Variants in HEATR4 observed in about 807,000 individuals in gnomAD.
HEATR4 encodes the protein HEAT repeat containing 4.
A neutral mutation model predicts 108.8 loss-of-function variants in HEATR4; 95 were observed. The ratio of observed to expected loss-of-function variants is 0.87; its 90% CI spans 0.74 to 1.04. The LOEUF (loss-of-function observed/expected upper bound fraction) is 1.04, where lower values mean the gene tolerates loss of function less well. HEATR4 is among the 50% of genes least tolerant of loss of function. HEATR4 has a pLI of 0.00. For synonymous variants in HEATR4, 443 were observed against 459.4 expected (o/e 0.96, Z 0.46); for missense variants, 1,152 against 1,253.8 (o/e 0.92, Z 1.23).
chr14:73,585,218 G>A, the HEATR4 span, among the ~76,000 whole-genome samples: 5 of 152,128 alleles, frequency 3.3e-5, no homozygotes, highest in African/African-American at 1.2e-4. Context: ...TCGCTCATCT[G>A]CCATAGCCCC....
chr14:73,562,300 T>C (rs1889541444), upstream of HEATR4, among the ~76,000 whole-genome samples: 1 of 152,058 alleles, frequency 6.6e-6, no homozygotes, highest in Admixed American at 6.6e-5. Flanking sequence ...CAAATAATAC[T>C]TTTATAATTT....
the HEATR4 span, among the ~76,000 whole-genome samples, chr14:73,594,679 T>TATTC: frequency 8.4e-4 from 123 of 146,212 alleles, no homozygotes; most frequent in African/African-American, 3.0e-3. Flanking sequence ...ATAAGTTATT[T>TATTC]ATTTATTTAT....
the HEATR4 span, chr14:73,592,493 T>C: frequency 7.1e-7 from 1 of 1,411,960 alleles, no homozygotes; most frequent in South Asian, 1.5e-5. Context: ...GATTTAGCAC[T>C]GGTTTGGTTT....
intron 7 of HEATR4, among the ~76,000 whole-genome samples, chr14:73,511,593 G>C (rs115259028): frequency 6.6e-6 from 1 of 150,526 alleles, no homozygotes; most frequent in African/African-American, 2.4e-5. Context: ...ATGGGCTCTT[G>C]GCTGGGCACA....
the HEATR4 span, chr14:73,592,510 A>C: frequency 7.4e-7 from 1 of 1,347,838 alleles, no homozygotes; most frequent in Non-Finnish European, 9.8e-7. Context: ...GTTTTGGAGC[A>C]AGATCAGAGA....
the HEATR4 span, among the ~76,000 whole-genome samples, chr14:73,584,374 T>C: frequency 6.6e-6 from 1 of 152,010 alleles, no homozygotes; most frequent in Non-Finnish European, 1.5e-5. Context: ...AAATTCTTTC[T>C]TCTGAGGAGG....
rs1490120078 is a variant in HEATR4, at chr14:73,558,491, A to G, written c.-152+260T>C. Among the ~76,000 whole-genome samples the G allele has an allele frequency of 1.5e-5, 2 of 129,094 alleles. 1 individual carries two copies. Among genetic ancestry groups the G allele is most frequent in the African/African-American group, 5.9e-5 (2 of 33,652 alleles). The allele number at this position is 129,094 out of a possible 152,430, so 84.7% of individuals were successfully genotyped here. On this transcript the variant is annotated intron_variant, in intron 1 of 17. Coordinates refer to ENST00000553558, the MANE Select transcript of HEATR4 (RefSeq NM_001220484.1). ...CCCACATAGCTGGGAGCATAGGCACATAGCACACCACTCTCGGTTAAATTT... is the reference window on the plus strand; with the variant it reads ...CCCACATAGCTGGGAGCATAGGCACGTAGCACACCACTCTCGGTTAAATTT...
At chr14:73,600,829 C>T in the HEATR4 span, among the ~76,000 whole-genome samples, 1,223 of 152,212 alleles carry the variant, frequency 8.0e-3, 16 homozygotes, top group African/African-American at 0.029. Context: ...ACAAAATACA[C>T]CTCTAGATAT....
At chr14:73,594,845 C>T in the HEATR4 span, among the ~76,000 whole-genome samples, 2 of 152,142 alleles carry the variant, frequency 1.3e-5, no homozygotes, top group Admixed American at 6.5e-5. Flanking sequence ...GGATTAGAGG[C>T]GTGCGCCACC....
chr14:73,608,417 CT>C, the HEATR4 span, among the ~76,000 whole-genome samples: 3,594 of 152,294 alleles, frequency 0.024, 49 homozygotes, highest in African/African-American at 0.04. Context: ...CAAGAGTGAC[CT>C]TTACTTCAGT....
the HEATR4 span, among the ~76,000 whole-genome samples, chr14:73,572,710 A>G: frequency 6.9e-6 from 1 of 145,442 alleles, no homozygotes; most frequent in African/African-American, 2.5e-5. Flanking sequence ...TAGTGGCACA[A>G]TCTTGGCTCA....
chr14:73,492,948 T>C lies in HEATR4; in HGVS notation c.2844+118A>G. On this transcript the variant is annotated intron_variant, in intron 17 of 17. Coordinates refer to ENST00000553558, the MANE Select transcript of HEATR4 (RefSeq NM_001220484.1). The surrounding 1 kb of genome is among the most constrained non-coding windows in gnomAD (Gnocchi z 4.9). The stretch of plus-strand genomic sequence containing the variant: ...ATGCCTCTAGCCCTAAATTAGTTTC[T>C]TGTTGATTGCTGGAAACAAGGCAGT... 1 of 1,611,770 alleles carries C rather than the reference T, an allele frequency of 6.2e-7. No individual in the cohort carries two copies. The highest frequency in any genetic ancestry group is 8.5e-7 in the Non-Finnish European group (1 of 1,178,704).
chr14:73,575,676 T>C, the HEATR4 span: 12 of 628,886 alleles, frequency 1.9e-5, no homozygotes, highest in Non-Finnish European at 3.1e-5. Flanking sequence ...TTAAGATTTT[T>C]ATAAACTGTA....
At chr14:73,616,330 A>T in the HEATR4 span, among the ~76,000 whole-genome samples, 2 of 151,310 alleles carry the variant, frequency 1.3e-5, no homozygotes, top group South Asian at 2.1e-4. Context: ...TATTATTATT[A>T]TTTTTGAGAT....
At chr14:73,612,643 C>T in the HEATR4 span, 4 of 1,402,082 alleles carry the variant, frequency 2.9e-6, no homozygotes, top group South Asian at 6.0e-5. Context: ...TCGCAGTGCG[C>T]GGCCTGGCCC....
the HEATR4 span, among the ~76,000 whole-genome samples, chr14:73,614,017 C>CT: frequency 2.0e-5 from 2 of 97,610 alleles, no homozygotes; most frequent in Admixed American, 1.4e-4. Flanking sequence ...TGGTGAAACT[C>CT]TGTCTCTACA....
chr14:73,619,286 G>A, the HEATR4 span: 2 of 1,610,346 alleles, frequency 1.2e-6, no homozygotes, highest in Middle Eastern at 1.7e-4. Flanking sequence ...GGTGACCTGT[G>A]TCTCTCAATG....
At chr14:73,499,407 G>C (rs546165060) in intron 12 of HEATR4, among the ~76,000 whole-genome samples, 4 of 152,158 alleles carry the variant, frequency 2.6e-5, no homozygotes, top group Non-Finnish European at 5.9e-5. Context: ...TTGGACCTGG[G>C]AGGCGGAGGT....
At chr14:73,582,405 G>A in the HEATR4 span, 1 of 151,094 alleles carries the variant, frequency 6.6e-6, no homozygotes, top group East Asian at 1.9e-4. Flanking sequence ...ATGAAACTGA[G>A]GCAGGATAGG....
Sources: gnomAD v4.1 joint callset for allele counts (sites outside exome capture counted in the v4.1 genomes callset) on GRCh38, gnomAD v4.1.1 for gene constraint, Gnocchi (gnomAD v3.1) non-coding constraint, MANE v1.5 for transcripts, NCBI Gene and HGNC (gene_info 2026-07-23, HGNC 2026-07-21) for gene names.